SRC: variants seen among roughly 807,000 people sequenced by gnomAD.
SRC encodes the protein SRC proto-oncogene, non-receptor tyrosine kinase.
In SRC, 13 loss-of-function variants were observed where a neutral mutation model predicts 62.9. That is an observed-to-expected ratio of 0.21 (90% CI 0.13 to 0.33). SRC has a LOEUF of 0.33. SRC is among the 10% of genes least tolerant of loss of function. The probability of loss-of-function intolerance (pLI) is 1.00; values close to 1 mark genes in which losing one functional copy is unlikely to be tolerated. For synonymous variants in SRC, 302 were observed against 317.5 expected (o/e 0.95, Z 0.52); for missense variants, 457 against 737.3 (o/e 0.62, Z 4.40).
rs998966110 is a variant in SRC, at chr20:37,397,342, C to T, written c.704-357C>T. 1.3e-5 allele frequency among the ~76,000 whole-genome samples: 2 copies of T among 152,204 alleles called. No individual in the cohort carries two copies. Among genetic ancestry groups the T allele is most frequent in the Admixed American group, 6.5e-5 (1 of 15,292 alleles). On this transcript the variant is annotated intron_variant, in intron 8 of 13. Transcript: ENST00000373578. This position sits in a 1 kb window ranked among gnomAD's most constrained non-coding sequence, Gnocchi z 4.1. Reference sequence around the variant, plus strand: ...CTCCTGCTGTTGCGCGAACAGCTCTCCAGTCACATTCACATCTGTGGTCCT... The same window carrying T: ...CTCCTGCTGTTGCGCGAACAGCTCTTCAGTCACATTCACATCTGTGGTCCT...
rs2147101341 is a variant in SRC, at chr20:37,396,270, C to T, written c.662C>T (p.Thr221Ile). Reference sequence around the variant, plus strand: ...GGCGGCTTCTACATCACCTCCCGCACCCAGTTCAACAGCCTGCAGCAGCTG... The same window carrying T: ...GGCGGCTTCTACATCACCTCCCGCATCCAGTTCAACAGCCTGCAGCAGCTG... ...DSGGFYITSR[T>I]QFNSLQQLVA... Residue 221 changes from threonine to isoleucine, a missense_variant, in exon 8 of 14, where the codon ACC (threonine) becomes ATC (isoleucine). This residue lies in a region of SRC where 141 missense variants were observed against 198.4 expected (regional missense o/e 0.71). Transcript: ENST00000373578. This position sits in a 1 kb window ranked among gnomAD's most constrained non-coding sequence, Gnocchi z 6.1. 2 of 1,613,918 alleles carry T rather than the reference C, an allele frequency of 1.2e-6. No homozygotes were observed. The highest frequency in any genetic ancestry group is 1.3e-5 in the African/African-American group (1 of 75,048).
chr20:37,397,626 C>T lies in SRC; in HGVS notation c.704-73C>T, dbSNP rs949072051. 6.2e-6 allele frequency: 9 copies of T among 1,459,864 alleles called. No homozygotes were observed. The highest frequency in any genetic ancestry group is 1.4e-5 in the South Asian group (1 of 69,910). 90.4% of individuals were successfully genotyped at this position (1,459,864 alleles called of 1,614,324 possible). On this transcript the variant is annotated intron_variant, in intron 8 of 13. Coordinates refer to ENST00000373578, the MANE Select transcript of SRC (RefSeq NM_198291.3). This position sits in a 1 kb window ranked among gnomAD's most constrained non-coding sequence, Gnocchi z 4.1. ...ATCTGTGTGCATCTGGCATGTAGGG[C>T]GACACACACTGAGGGGCAGGGAGGC...
intron 1 of SRC, among the ~76,000 whole-genome samples, chr20:37,354,716 C>T (rs2069854892): frequency 6.6e-6 from 1 of 152,218 alleles, no homozygotes; most frequent in Non-Finnish European, 1.5e-5. Flanking sequence ...GGAGACTGCA[C>T]CAATCCCCAC....
At chr20:37,355,962 G>C (rs572178684) in intron 1 of SRC, among the ~76,000 whole-genome samples, 74 of 152,350 alleles carry the variant, frequency 4.9e-4, no homozygotes, top group African/African-American at 1.8e-3. Flanking sequence ...GATGAGAGCA[G>C]AGCAGGTTGA....
intron 2 of SRC, among the ~76,000 whole-genome samples, chr20:37,374,677 C>T (rs187433782): frequency 2.0e-5 from 3 of 149,534 alleles, no homozygotes; most frequent in East Asian, 4.0e-4. Context: ...CAGGTTTAAG[C>T]GACTCTCATG....
At chr20:37,390,563 G>A (rs1422545062) in intron 5 of SRC, among the ~76,000 whole-genome samples, 1 of 151,834 alleles carries the variant, frequency 6.6e-6, no homozygotes, top group Non-Finnish European at 1.5e-5. Context: ...GCACCACCAT[G>A]CCCAGCTAAT....
chr20:37,371,101 G>T (rs1054165210), intron 2 of SRC, among the ~76,000 whole-genome samples: 1 of 150,926 alleles, frequency 6.6e-6, no homozygotes, highest in African/African-American at 2.4e-5. Flanking sequence ...CAATTCTCCT[G>T]CTTCAGCCTC....
intron 7 of SRC, among the ~76,000 whole-genome samples, chr20:37,394,568 T>C (rs1405325524): frequency 6.6e-6 from 1 of 152,084 alleles, no homozygotes; most frequent in African/African-American, 2.4e-5. Context: ...AACAGGCTCG[T>C]TCCCAGGGTA....
At chr20:37,368,186 G>C (rs1232931358) in intron 2 of SRC, among the ~76,000 whole-genome samples, 1 of 151,988 alleles carries the variant, frequency 6.6e-6, no homozygotes, top group Non-Finnish European at 1.5e-5. Flanking sequence ...GGGAGGCCGA[G>C]GCGGGTGGAT....
At chr20:37,391,261 T>C (rs1008525490) in intron 5 of SRC, among the ~76,000 whole-genome samples, 2 of 152,194 alleles carry the variant, frequency 1.3e-5, no homozygotes, top group Admixed American at 1.3e-4. Context: ...CCCTGCAGCC[T>C]CCTCTTTCAT....
rs201894930 is a variant in SRC at position 37,393,854 on chromosome 20, G to A, written c.351-41G>A. The A allele has an allele frequency of 1.4e-4, 208 of 1,503,292 alleles. No individual in the cohort carries two copies. In the African/African-American group the frequency reaches 1.9e-3, roughly 14 times the overall value. 93.1% of individuals were successfully genotyped at this position (1,503,292 alleles called of 1,614,324 possible). On this transcript the variant is annotated intron_variant, in intron 5 of 13. Coordinates refer to ENST00000373578, the MANE Select transcript of SRC (RefSeq NM_198291.3). Reference sequence around the variant, plus strand: ...GGTGGGCACCGGGCTTGTGGCTGACGGCTCCCTTCTCCTTTCCTCCCTCCT... The same window carrying A: ...GGTGGGCACCGGGCTTGTGGCTGACAGCTCCCTTCTCCTTTCCTCCCTCCT...
intron 5 of SRC, among the ~76,000 whole-genome samples, chr20:37,392,527 AGG>A (rs2070568173): frequency 6.6e-6 from 1 of 152,154 alleles, no homozygotes; most frequent in Non-Finnish European, 1.5e-5. Flanking sequence ...GTGTCTTCTC[AGG>A]GTCCTGGTGA....
At chr20:37,379,302 G>A (rs556244711) in intron 2 of SRC, among the ~76,000 whole-genome samples, 32 of 152,240 alleles carry the variant, frequency 2.1e-4, no homozygotes, top group African/African-American at 7.7e-4. Flanking sequence ...TCTCTACCTT[G>A]GAGGCTGCAA....
intron 1 of SRC, among the ~76,000 whole-genome samples, chr20:37,363,063 T>A (rs572339244): frequency 1.2e-4 from 18 of 152,268 alleles, no homozygotes; most frequent in African/African-American, 3.6e-4. Flanking sequence ...GGGCCTCAGC[T>A]GAGATACCCC....
intron 2 of SRC, among the ~76,000 whole-genome samples, chr20:37,371,921 TTGAACTCC>T (rs1289859855): frequency 2.6e-5 from 4 of 152,186 alleles, no homozygotes; most frequent in African/African-American, 9.7e-5. Context: ...CAGGCTGGTC[TTGAACTCC>T]TGACCTCCAA....
chr20:37,369,707 A>G (rs184973834), intron 2 of SRC, among the ~76,000 whole-genome samples: 1 of 151,414 alleles, frequency 6.6e-6, no homozygotes, highest in Admixed American at 6.6e-5. Context: ...TATTCTTTTC[A>G]TTTCTGATCT....
chr20:37,391,683 G>A (rs1332056872), intron 5 of SRC, among the ~76,000 whole-genome samples: 2 of 151,970 alleles, frequency 1.3e-5, no homozygotes, highest in Non-Finnish European at 2.9e-5. Context: ...GTGAAACCCC[G>A]TCTCTACTAA....
intron 2 of SRC, among the ~76,000 whole-genome samples, chr20:37,375,548 G>GT (rs917924338): frequency 1.1e-3 from 173 of 150,848 alleles, no homozygotes; most frequent in African/African-American, 3.7e-3. Flanking sequence ...AAATTTTTGT[G>GT]TTTTTTTTTA....
intron 9 of SRC, among the ~76,000 whole-genome samples, chr20:37,399,041 C>A (rs946539081): frequency 3.3e-5 from 5 of 152,196 alleles, no homozygotes; most frequent in African/African-American, 1.2e-4. Context: ...CAGCTTCCCC[C>A]AGAGCCCCAC....
Sources: allele counts gnomAD v4.1 joint callset (sites outside exome capture counted in the v4.1 genomes callset), GRCh38; gene constraint gnomAD v4.1.1; regional missense constraint gnomAD v4.1.1; non-coding constraint Gnocchi (gnomAD v3.1); transcripts MANE v1.5; gene names NCBI Gene and HGNC (gene_info 2026-07-23, HGNC 2026-07-21).